NKAIN3: variants seen among roughly 807,000 people sequenced by gnomAD.
NKAIN3 encodes sodium/potassium transporting ATPase interacting 3.
A neutral mutation model predicts 30.2 loss-of-function variants in NKAIN3; 25 were observed. That is an observed-to-expected ratio of 0.83 (90% confidence interval 0.60 to 1.16). NKAIN3 has a LOEUF of 1.16. Among genes scored for constraint, NKAIN3 ranks in the 50% most tolerant of loss-of-function variants. The probability of loss-of-function intolerance (pLI) is 0.00; values close to 1 mark genes in which losing one functional copy is unlikely to be tolerated. For synonymous variants in NKAIN3, 91 were observed against 89.6 expected, an observed-to-expected ratio of 1.02 and a Z score of -0.09; for missense variants, 225 against 254.1, an observed-to-expected ratio of 0.89 and a Z score of 0.78.
chr8:62,373,380 C>T (rs1194486918), intron 1 of NKAIN3, among the ~76,000 whole-genome samples: 1 of 152,132 alleles, frequency 6.6e-6, no homozygotes, highest in Non-Finnish European at 1.5e-5. Context: ...TGTATGATTT[C>T]ATAATTGTTA....
At chr8:62,486,642 T>TA (rs1159402083) in intron 1 of NKAIN3, among the ~76,000 whole-genome samples, 1 of 152,172 alleles carries the variant, frequency 6.6e-6, no homozygotes, top group Non-Finnish European at 1.5e-5. Context: ...TACCCTTTAT[T>TA]ACAGTTTTAC....
At chr8:62,378,870 T>C (rs1332117681) in intron 1 of NKAIN3, among the ~76,000 whole-genome samples, 2 of 152,138 alleles carry the variant, frequency 1.3e-5, no homozygotes, top group South Asian at 2.1e-4. Flanking sequence ...GGGCACTGCA[T>C]AGTGGAACTC....
rs573920134 is a variant in NKAIN3 at position 62,394,960 on chromosome 8, C to T, written c.54+145833C>T. Among the ~76,000 whole-genome samples the T allele has an allele frequency of 4.1e-5, 6 of 146,062 alleles. No individual in the cohort carries two copies. In the South Asian group the frequency reaches 6.6e-4, roughly 16 times the overall value. ...AGATGGTGGGGCAGCCAAGCAGAGG[C>T]GCTCCTCACTTCCCAGACGGGTCGG... is the stretch of plus-strand genomic sequence containing the variant. On this transcript the variant is annotated intron_variant, in intron 1 of 6. Transcript: ENST00000623646.
At chr8:62,828,099 A>G in intron 4 of NKAIN3, among the ~76,000 whole-genome samples, 1 of 152,226 alleles carries the variant, frequency 6.6e-6, no homozygotes, top group Non-Finnish European at 1.5e-5. Context: ...AAAAATTTAA[A>G]AAAACTATTG....
At chr8:62,932,921 G>T (rs1334956888) in intron 5 of NKAIN3, among the ~76,000 whole-genome samples, 1 of 151,366 alleles carries the variant, frequency 6.6e-6, no homozygotes, top group Non-Finnish European at 1.5e-5. Context: ...GGCATCCAGT[G>T]GTAGATAAAC....
intron 3 of NKAIN3, among the ~76,000 whole-genome samples, chr8:62,669,250 T>C (rs904439820): frequency 2.5e-4 from 38 of 152,242 alleles, no homozygotes; most frequent in African/African-American, 8.9e-4. Context: ...TCATTTGACC[T>C]AAACTTTATG....
At chr8:62,929,624 G>GA (rs1822558323) in intron 5 of NKAIN3, among the ~76,000 whole-genome samples, 1 of 152,096 alleles carries the variant, frequency 6.6e-6, no homozygotes, top group Admixed American at 6.5e-5. Context: ...CATGAGGGAG[G>GA]CTTTTCTGCC....
chr8:62,445,096 C>T (rs1057384869), intron 1 of NKAIN3, among the ~76,000 whole-genome samples: 3 of 152,082 alleles, frequency 2.0e-5, no homozygotes, highest in Non-Finnish European at 2.9e-5. Context: ...CAGGCATGCA[C>T]CACCATGCCC....
intron 1 of NKAIN3, chr8:62,483,521 G>C (rs1430348207): frequency 6.0e-6 from 1 of 165,678 alleles, no homozygotes; most frequent in Non-Finnish European, 1.3e-5. Context: ...CCTGGTTGCT[G>C]GCTTTCTCTT....
intron 4 of NKAIN3, among the ~76,000 whole-genome samples, chr8:62,783,260 G>A (rs1817413670): frequency 6.6e-6 from 1 of 152,034 alleles, no homozygotes; most frequent in African/African-American, 2.4e-5. Context: ...GGCTTTGAAT[G>A]GAATTAATGC....
At chr8:62,289,052 G>A (rs1813481160) in intron 1 of NKAIN3, among the ~76,000 whole-genome samples, 1 of 152,272 alleles carries the variant, frequency 6.6e-6, no homozygotes, top group Non-Finnish European at 1.5e-5. Flanking sequence ...TTTGAGAAGT[G>A]TCTGTTCATA....
At chr8:62,897,202 A>G (rs1174519032) in intron 4 of NKAIN3, among the ~76,000 whole-genome samples, 1 of 152,150 alleles carries the variant, frequency 6.6e-6, no homozygotes, top group Non-Finnish European at 1.5e-5. Context: ...GAAGGAATAA[A>G]TGTAGACACA....
chr8:62,760,834 T>TA (rs1434194133), intron 4 of NKAIN3, among the ~76,000 whole-genome samples: 4 of 152,070 alleles, frequency 2.6e-5, no homozygotes, highest in Admixed American at 6.5e-5. Context: ...ATCACATAAT[T>TA]AAAAAATAGT....
At chr8:62,942,402 C>G (rs978208312) in intron 5 of NKAIN3, among the ~76,000 whole-genome samples, 1 of 150,552 alleles carries the variant, frequency 6.6e-6, no homozygotes, top group African/African-American at 2.4e-5. Flanking sequence ...ATGGAAACAC[C>G]CCATGCTCAT....
chr8:62,667,513 T>A (rs909109760), intron 3 of NKAIN3, among the ~76,000 whole-genome samples: 8 of 151,716 alleles, frequency 5.3e-5, no homozygotes, highest in Non-Finnish European at 1.0e-4. Flanking sequence ...TCTTTTCTTA[T>A]CTTCACATCC....
rs146468785 is a variant in NKAIN3 at position 62,638,852 on chromosome 8, A to T, written c.273+49058A>T. Among the ~76,000 whole-genome samples, 218 of 152,262 alleles carry T rather than the reference A, an allele frequency of 1.4e-3. 1 individual carries two copies. Among genetic ancestry groups the T allele is most frequent in the African/African-American group, 3.9e-3 (161 of 41,576 alleles). On this transcript the variant is annotated intron_variant, in intron 3 of 6. Coordinates refer to ENST00000623646, the MANE Select transcript of NKAIN3 (RefSeq NM_001304533.3). Reference sequence around the variant, plus strand: ...GTCTTGTAATCCCAAATGTTCACAAAAGAGACTAGGGGCTTGACAATCTCT... The same window carrying T: ...GTCTTGTAATCCCAAATGTTCACAATAGAGACTAGGGGCTTGACAATCTCT...
At chr8:62,810,534 T>A (rs1333902369) in intron 4 of NKAIN3, among the ~76,000 whole-genome samples, 2 of 152,080 alleles carry the variant, frequency 1.3e-5, no homozygotes. Flanking sequence ...ATATCTCTTT[T>A]AATAGGTGAG....
intron 1 of NKAIN3, among the ~76,000 whole-genome samples, chr8:62,463,869 T>C (rs751014436): frequency 2.0e-5 from 3 of 152,198 alleles, no homozygotes; most frequent in Non-Finnish European, 4.4e-5. Flanking sequence ...ATATAAATAT[T>C]GTCTCTATGA....
chr8:62,954,377 A>G (rs1823364674), intron 6 of NKAIN3, among the ~76,000 whole-genome samples: 1 of 152,206 alleles, frequency 6.6e-6, no homozygotes, highest in South Asian at 2.1e-4. Flanking sequence ...TGTCTCTGAG[A>G]CTTGTTCTAT....
Sources: allele counts gnomAD v4.1 joint callset (sites outside exome capture counted in the v4.1 genomes callset), GRCh38; gene constraint gnomAD v4.1.1; transcripts MANE v1.5; gene names NCBI Gene and HGNC (gene_info 2026-07-23, HGNC 2026-07-21).